Variants in MPP3 observed in about 807,000 individuals in gnomAD.
The protein encoded by MPP3 is MAGUK p55 subfamily member 3.
MPP3 carries 48 observed loss-of-function variants against 80.7 expected under a neutral mutation model. That is an observed-to-expected ratio of 0.59 (90% CI 0.47 to 0.76). The LOEUF is 0.76. MPP3 is among the 30% of genes least tolerant of loss of function. The probability of loss-of-function intolerance (pLI) is 0.00; values close to 1 mark genes in which losing one functional copy is unlikely to be tolerated. For synonymous variants in MPP3, 311 were observed against 297.6 expected (o/e 1.04, Z -0.46); for missense variants, 620 against 763.0 (o/e 0.81, Z 2.21).
At chr17:43,832,911 C>A (rs2046041295) in intron 1 of MPP3, 92 bp from the exon 2 acceptor site, 1 of 152,132 alleles carries the variant, frequency 6.6e-6, no homozygotes, top group Non-Finnish European at 1.5e-5. Flanking sequence ...CAGCAGGGAG[C>A]GGGGGGCGCG....
chr17:43,809,114 G>A, intron 18 of MPP3, 36 bp from the exon 19 acceptor site: 1 of 1,548,430 alleles, frequency 6.5e-7, no homozygotes, highest in Non-Finnish European at 8.7e-7. Flanking sequence ...ATATACTTTT[G>A]AAGTGTTTTG....
At chr17:43,815,268 G>T (rs1456905069) in intron 14 of MPP3, among the ~76,000 whole-genome samples, 2 of 152,138 alleles carry the variant, frequency 1.3e-5, no homozygotes, top group Non-Finnish European at 2.9e-5. Context: ...GGAGGCTGAG[G>T]CTGCAGCGAT....
At chr17:43,822,470 G>A (rs1028420947) in intron 10 of MPP3, among the ~76,000 whole-genome samples, 3 of 151,802 alleles carry the variant, frequency 2.0e-5, no homozygotes, top group Admixed American at 6.6e-5. Flanking sequence ...TGGCTGCCAG[G>A]AAACTCTACT....
Position 43,801,651 on chromosome 17 carries a change from G to T in MPP3, c.*50C>A, listed in dbSNP as rs1348199134. 6.4e-7 allele frequency: 1 copy of T among 1,562,406 alleles called. No homozygotes were observed. Among genetic ancestry groups the T allele is most frequent in the East Asian group, 2.2e-5 (1 of 44,634 alleles). On this transcript the variant is annotated 3_prime_UTR_variant, in exon 20 of 20. Transcript: ENST00000398389. ...CTTGATGGTAAAATGAGGGAGTCTG[G>T]ACTAGATGATCTTCAAGGTCCCGTC...
At chr17:43,815,153 G>A (rs2045054151) in intron 14 of MPP3, among the ~76,000 whole-genome samples, 1 of 152,112 alleles carries the variant, frequency 6.6e-6, no homozygotes, top group South Asian at 2.1e-4. Context: ...GCAACATGGT[G>A]AAACCCTGTC....
At chr17:43,825,703 T>C in intron 9 of MPP3, 53 bp downstream of exon 9, 1 of 1,227,188 alleles carries the variant, frequency 8.1e-7, no homozygotes. Context: ...GGAAGTGCCT[T>C]GCTCTGGGTG....
At chr17:43,802,530 T>C (rs1444765980) in intron 19 of MPP3, among the ~76,000 whole-genome samples, 2 of 152,340 alleles carry the variant, frequency 1.3e-5, no homozygotes, top group East Asian at 1.9e-4. Context: ...TTTAATCAGA[T>C]TGCTTTTCTG....
chr17:43,809,923 T>C lies in MPP3; in HGVS notation c.1459-845A>G, dbSNP rs186466718. On this transcript the variant is annotated intron_variant, in intron 18 of 19. Transcript: ENST00000398389. Reference sequence around the variant, plus strand: ...TTGTACTCTTGATTAATGCATTTTATCTAGAAGTAAGGGCTCCACTTGGAA... The same window carrying C: ...TTGTACTCTTGATTAATGCATTTTACCTAGAAGTAAGGGCTCCACTTGGAA... 4.2e-3 allele frequency among the ~76,000 whole-genome samples: 634 copies of C among 152,232 alleles called. 3 individuals carry two copies. Among genetic ancestry groups the C allele is most frequent in the African/African-American group, 0.015 (605 of 41,556 alleles).
At chr17:43,808,380 TG>T (rs1233964503) in intron 19 of MPP3, among the ~76,000 whole-genome samples, 1 of 152,226 alleles carries the variant, frequency 6.6e-6, no homozygotes, top group Non-Finnish European at 1.5e-5. Context: ...CCACACCTCC[TG>T]GAAGAACTCT....
intron 16 of MPP3, among the ~76,000 whole-genome samples, chr17:43,813,760 T>C (rs1358773768): frequency 6.6e-6 from 1 of 152,142 alleles, no homozygotes; most frequent in East Asian, 1.9e-4. Flanking sequence ...CAATGTGCTC[T>C]GGACTCATCT....
intron 8 of MPP3, 73 bp downstream of exon 8, chr17:43,827,678 T>A: frequency 6.8e-7 from 1 of 1,462,144 alleles, no homozygotes; most frequent in Admixed American, 1.7e-5. Context: ...AGGGGACCTA[T>A]TAGCAAAGGT....
chr17:43,826,940 A>G (rs1276728033), intron 8 of MPP3, among the ~76,000 whole-genome samples: 1 of 151,604 alleles, frequency 6.6e-6, no homozygotes, highest in Non-Finnish European at 1.5e-5. Flanking sequence ...GGCTCAAACA[A>G]TCTTCCTGCC....
At chr17:43,809,148 T>C in intron 18 of MPP3, 70 bp from the exon 19 acceptor site, 1 of 1,468,002 alleles carries the variant, frequency 6.8e-7, no homozygotes, top group Non-Finnish European at 9.1e-7. Context: ...TTTTGAAAGC[T>C]CAATAATCGT....
At chr17:43,831,509 C>A in intron 4 of MPP3, 50 bp downstream of exon 4, 1 of 1,461,374 alleles carries the variant, frequency 6.8e-7, no homozygotes, top group Non-Finnish European at 9.5e-7. Context: ...CCACAGACAG[C>A]TAGAAAGACC....
intron 19 of MPP3, among the ~76,000 whole-genome samples, chr17:43,807,139 T>G (rs1364050506): frequency 6.6e-6 from 1 of 151,040 alleles, no homozygotes; most frequent in Non-Finnish European, 1.5e-5. Context: ...ACCTGGCTAA[T>G]TTTTGTATTT....
At chr17:43,807,443 G>GAGT (rs1462794424) in intron 19 of MPP3, among the ~76,000 whole-genome samples, 1 of 150,696 alleles carries the variant, frequency 6.6e-6, no homozygotes, top group African/African-American at 2.4e-5. Context: ...TCAGTCTCCC[G>GAGT]AGTAGCTAGG....
intron 11 of MPP3, among the ~76,000 whole-genome samples, chr17:43,819,233 G>A (rs2045305173): frequency 1.3e-5 from 2 of 152,190 alleles, no homozygotes; most frequent in South Asian, 4.1e-4. Flanking sequence ...CCTTACCACA[G>A]TCCACACACC....
intron 18 of MPP3, 79 bp from the exon 19 acceptor site, chr17:43,809,157 G>A (rs532314447): frequency 1.8e-4 from 254 of 1,431,430 alleles, no homozygotes; most frequent in Non-Finnish European, 1.9e-4. Flanking sequence ...CTCAATAATC[G>A]TGTGCTTCAA....
intron 16 of MPP3, among the ~76,000 whole-genome samples, chr17:43,812,267 C>T (rs927186794): frequency 3.3e-5 from 5 of 152,304 alleles, no homozygotes; most frequent in South Asian, 2.1e-4. Context: ...GATCTTGAGG[C>T]ACTGTGTCTT....
Sources: gnomAD v4.1 joint callset for allele counts (sites outside exome capture counted in the v4.1 genomes callset) on GRCh38, gnomAD v4.1.1 for gene constraint, MANE v1.5 for transcripts, NCBI Gene and HGNC (gene_info 2026-07-23, HGNC 2026-07-21) for gene names.